Variants in KMT2B observed in about 807,000 individuals in gnomAD.
The protein encoded by KMT2B is histone-lysine N-methyltransferase 2B.
KMT2B carries 22 observed loss-of-function variants against 255.3 expected under a neutral mutation model. That is an observed-to-expected ratio of 0.09 (90% CI 0.06 to 0.12). KMT2B has a LOEUF of 0.12. Among genes scored for constraint, KMT2B ranks in the 10% least tolerant of loss-of-function variants. KMT2B has a pLI of 1.00. For synonymous variants in KMT2B, 1,730 were observed against 1,498.1 expected, an observed-to-expected ratio of 1.15 and a Z score of -3.57; for missense variants, 3,149 against 3,737.0, an observed-to-expected ratio of 0.84 and a Z score of 4.10.
chr19:35,722,523 T>C, intron 4 of KMT2B, 45 bp from the exon 5 acceptor site: 1 of 1,592,942 alleles, frequency 6.3e-7, no homozygotes, highest in Non-Finnish European at 8.5e-7. Flanking sequence ...GGAGTGGGGC[T>C]GCGGGAGCGC....
Position 35,725,217 on chromosome 19 carries a change from C to T in KMT2B, c.3529-3C>T. ...TCTGATCCTGCATCCTCTCTTCCCC[C>T]AGGAGGATTGTGATTTAGAGAACGT... On this transcript the variant is annotated splice_polypyrimidine_tract_variant and splice_region_variant and intron_variant, in intron 10 of 36. Transcript: ENST00000420124. This position sits in a 1 kb window ranked among gnomAD's most constrained non-coding sequence, Gnocchi z 4.1. 1 of 1,611,292 alleles carries T rather than the reference C, an allele frequency of 6.2e-7. No individual in the cohort carries two copies. The highest frequency in any genetic ancestry group is 8.5e-7 in the Non-Finnish European group (1 of 1,178,082).
intron 5 of KMT2B, 65 bp downstream of exon 5, chr19:35,722,783 C>T: frequency 6.6e-7 from 1 of 1,525,396 alleles, no homozygotes; most frequent in South Asian, 1.3e-5. Context: ...GTGACATGCA[C>T]CAAGAGCCTA....
Position 35,721,124 on chromosome 19 carries a change from C to A in KMT2B, c.1777C>A (p.Pro593Thr). 6.2e-7 allele frequency: 1 copy of A among 1,609,020 alleles called. No homozygotes were observed. The highest frequency in any genetic ancestry group is 8.5e-7 in the Non-Finnish European group (1 of 1,178,180). ...PPRAPTPPST[P>T]VPLPEKRRSI... ...ACGTGCCCCAACTCCTCCATCTACC[C>A]CAGTTCCACTCCCTGAGAAGAGACG... The change falls in exon 3 of 37, where the codon CCA (proline) becomes ACA (threonine). Residue 593 changes from proline (P) to threonine (T), a missense_variant. Around this residue, in one of 18 missense-constraint regions of KMT2B, gnomAD observed 1,188 missense variants for 1,106.4 expected, o/e 1.07. Transcript: ENST00000420124.
chr19:35,729,200 A>C lies in KMT2B; in HGVS notation c.4821A>C (p.Thr1607=). Residue 1607 remains threonine (T), a synonymous_variant, in exon 22 of 37, where the codon ACA becomes ACC. Transcript: ENST00000420124. ...TGTACATCGGGCAGAACGAGTGGAC[A>C]CACGTCAACTGTGCCATCTGGTCGG... ...RLLYIGQNEW[T]HVNCAIWSAE... is the part of the protein sequence containing the mutation. The C allele has an allele frequency of 1.2e-6, 2 of 1,612,828 alleles. No homozygotes were observed. Among genetic ancestry groups the C allele is most frequent in the Non-Finnish European group, 1.7e-6 (2 of 1,179,360 alleles).
Position 35,738,668 on chromosome 19 carries a change from A to G in KMT2B, c.*111A>G. 8.2e-7 allele frequency: 1 copy of G among 1,215,644 alleles called. No homozygotes were observed. The highest frequency in any genetic ancestry group is 1.1e-6 in the Non-Finnish European group (1 of 879,974). The allele number at this position is 1,215,644 out of a possible 1,614,324, so 75.3% of individuals were successfully genotyped here. On this transcript the variant is annotated 3_prime_UTR_variant, in exon 37 of 37. Transcript: ENST00000420124. This position sits in a 1 kb window ranked among gnomAD's most constrained non-coding sequence, Gnocchi z 8.7. ...CCCAGAGCATCTCACCCCCACCCTC[A>G]TGTTCAGGGTGGATGTGGGCATGCA...
Position 35,737,591 on chromosome 19 carries a change from C to G in KMT2B, c.7551-45C>G. 1 of 1,279,710 alleles carries G rather than the reference C, an allele frequency of 7.8e-7. No individual in the cohort carries two copies. The highest frequency in any genetic ancestry group is 1.1e-6 in the Non-Finnish European group (1 of 917,090). 79.3% of individuals were successfully genotyped at this position (1,279,710 alleles called of 1,614,324 possible). ...AACCCCACCCATTTCCCTGTTAGCT[C>G]TGTCTTCAACAGTATATTCCTCCTT... On this transcript the variant is annotated intron_variant, in intron 33 of 36. Transcript: ENST00000420124. This position sits in a 1 kb window ranked among gnomAD's most constrained non-coding sequence, Gnocchi z 5.3.
Position 35,733,378 on chromosome 19 carries a change from C to G in KMT2B, c.6829C>G (p.Arg2277Gly). Residue 2277 changes from arginine (R) to glycine (G), a missense_variant, in exon 28 of 37, where the codon CGC becomes GGC. Around this residue, in one of 18 missense-constraint regions of KMT2B, gnomAD observed 897 missense variants for 825.3 expected, o/e 1.09. Coordinates refer to ENST00000420124, the MANE Select transcript of KMT2B (RefSeq NM_014727.3). This position sits in a 1 kb window ranked among gnomAD's most constrained non-coding sequence, Gnocchi z 4.3. ...GPASPPRQAI[R>G]VKRVSTFSGR... ...AGCCAGCCCGCCCCGCCAGGCCATCCGCGTCAAGAGGGTGTCCACTTTCTC... is the reference window on the plus strand; with the variant it reads ...AGCCAGCCCGCCCCGCCAGGCCATCGGCGTCAAGAGGGTGTCCACTTTCTC... The G allele has an allele frequency of 6.5e-7, 1 of 1,549,684 alleles. No homozygotes were observed. Among genetic ancestry groups the G allele is most frequent in the Non-Finnish European group, 8.7e-7 (1 of 1,146,606 alleles).
chr19:35,738,657 C>G lies in KMT2B; in HGVS notation c.*100C>G. The stretch of plus-strand genomic sequence containing the variant: ...CCCTAGCCCCTCCCAGAGCATCTCA[C>G]CCCCACCCTCATGTTCAGGGTGGAT... On this transcript the variant is annotated 3_prime_UTR_variant, in exon 37 of 37. Transcript: ENST00000420124. This position sits in a 1 kb window ranked among gnomAD's most constrained non-coding sequence, Gnocchi z 8.7. 1 of 1,321,018 alleles carries G rather than the reference C, an allele frequency of 7.6e-7. No individual in the cohort carries two copies. The allele number at this position is 1,321,018 out of a possible 1,614,324, so 81.8% of individuals were successfully genotyped here.
At position 35,737,610 on chromosome 19, in the gene KMT2B, C is replaced by T. The variant is rs943199761; in HGVS notation, c.7551-26C>T. 2.7e-6 allele frequency: 4 copies of T among 1,467,220 alleles called. No homozygotes were observed. Among genetic ancestry groups the T allele is most frequent in the Non-Finnish European group, 9.3e-7 (1 of 1,072,302 alleles). 90.9% of individuals were successfully genotyped at this position (1,467,220 alleles called of 1,614,324 possible). A position where few individuals can be genotyped will look rare whatever the true frequency, so the allele number is the denominator to read the frequency against. On this transcript the variant is annotated intron_variant, in intron 33 of 36. Transcript: ENST00000420124. This position sits in a 1 kb window ranked among gnomAD's most constrained non-coding sequence, Gnocchi z 5.3. ...TTAGCTCTGTCTTCAACAGTATATT[C>T]CTCCTTCCCCTGCTGCCACCTGCAG...
chr19:35,724,063 G>C (rs983763407), intron 8 of KMT2B, 56 bp downstream of exon 8: 1 of 1,488,696 alleles, frequency 6.7e-7, no homozygotes, highest in East Asian at 2.3e-5. Flanking sequence ...TGTGTCTTTT[G>C]TGTAGGAGGG....
chr19:35,718,020 T>TGGCGGC lies in KMT2B; in HGVS notation c.11_16dup (p.Ala4_Ala5dup), dbSNP rs898578503. 7 of 983,764 alleles carry TGGCGGC rather than the reference T, an allele frequency of 7.1e-6. No individual in the cohort carries two copies. Among genetic ancestry groups the TGGCGGC allele is most frequent in the Admixed American group, 1.3e-4 (2 of 15,948 alleles). 60.9% of individuals were successfully genotyped at this position (983,764 alleles called of 1,614,324 possible). On this transcript the variant is annotated inframe_insertion, in exon 1 of 37. Coordinates refer to ENST00000420124, the MANE Select transcript of KMT2B (RefSeq NM_014727.3). This position sits in a 1 kb window ranked among gnomAD's most constrained non-coding sequence, Gnocchi z 5.0. Reference sequence around the variant, plus strand: ...CCCGGCCCCTCTCACGGTGCCAAGATGGCGGCGGCGGCGGGCGGCGGCAGT... The same window carrying TGGCGGC: ...CCCGGCCCCTCTCACGGTGCCAAGATGGCGGCGGCGGCGGCGGCGGGCGGCGGCAGT...
At chr19:35,730,910 T>TA in intron 26 of KMT2B, 43 bp downstream of exon 26, 1 of 1,524,726 alleles carries the variant, frequency 6.6e-7, no homozygotes. Context: ...CCGCTCTCCC[T>TA]AAACAAACCT....
In KMT2B at chr19:35,723,652, C is replaced by T; in HGVS notation, c.3059-80C>T. On this transcript the variant is annotated intron_variant, in intron 7 of 36. Coordinates refer to ENST00000420124, the MANE Select transcript of KMT2B (RefSeq NM_014727.3). This position sits in a 1 kb window ranked among gnomAD's most constrained non-coding sequence, Gnocchi z 7.5. ...CATAGCTCCTGCGTTCATTCCCTGC[C>T]CCGCTTCTTTCTGGCTTCTCTCCCA... is the stretch of plus-strand genomic sequence containing the variant. 7.4e-7 allele frequency: 1 copy of T among 1,355,900 alleles called. No homozygotes were observed. Among genetic ancestry groups the T allele is most frequent in the East Asian group, 2.4e-5 (1 of 41,422 alleles). The allele number at this position is 1,355,900 out of a possible 1,614,324, so 84.0% of individuals were successfully genotyped here. A position where few individuals can be genotyped will look rare whatever the true frequency, so the allele number is the denominator to read the frequency against.
chr19:35,720,172 A>T lies in KMT2B; in HGVS notation c.825A>T (p.Gly275=), dbSNP rs771762970. The T allele has an allele frequency of 7.5e-6, 12 of 1,604,514 alleles. No homozygotes were observed. The East Asian group carries it at 2.7e-4, about 36-fold the overall frequency. The change falls in exon 3 of 37, where the codon GGA becomes GGT. Residue 275 remains glycine (G), a synonymous_variant. Coordinates refer to ENST00000420124, the MANE Select transcript of KMT2B (RefSeq NM_014727.3). ...SWKCKEGPGP[G]PGTPRRGGQS... is the part of the protein sequence containing the mutation. ...AATGCAAGGAGGGGCCCGGTCCAGG[A>T]CCTGGGACCCCCAGGCGTGGAGGAC...
chr19:35,730,133 A>G lies in KMT2B; in HGVS notation c.5076+8A>G. ...GATCTCCTGGATGGCAAGGTGGGCCAGAACTGTGGGGTACACGGTTCCTTC... is the reference window on the plus strand; with the variant it reads ...GATCTCCTGGATGGCAAGGTGGGCCGGAACTGTGGGGTACACGGTTCCTTC... On this transcript the variant is annotated splice_region_variant and intron_variant, in intron 23 of 36. Coordinates refer to ENST00000420124, the MANE Select transcript of KMT2B (RefSeq NM_014727.3). The G allele has an allele frequency of 6.2e-7, 1 of 1,613,604 alleles. No homozygotes were observed. Among genetic ancestry groups the G allele is most frequent in the Non-Finnish European group, 8.5e-7 (1 of 1,179,712 alleles).
In KMT2B at chr19:35,736,968, A is replaced by G. The variant is rs376855629; in HGVS notation, c.7354A>G (p.Arg2452Gly). Residue 2452 changes from arginine (R) to glycine (G), a missense_variant, in exon 32 of 37, where the codon AGA (arginine) becomes GGA (glycine). Coordinates refer to ENST00000420124, the MANE Select transcript of KMT2B (RefSeq NM_014727.3). ...VQEARGHARL[R>G]HLSFSGMSGA... ...AGAGGCCCGAGGGCATGCCCGACTC[A>G]GACATCTCTCCTTTAGTGGTAAGGA... 6.8e-6 allele frequency: 11 copies of G among 1,613,716 alleles called. No individual in the cohort carries two copies. The African/African-American group carries it at 1.5e-4, about 22-fold the overall frequency.
At position 35,721,109 on chromosome 19, in the gene KMT2B, A is replaced by G; in HGVS notation, c.1762A>G (p.Thr588Ala). The change falls in exon 3 of 37, where the codon ACT becomes GCT. Residue 588 changes from threonine to alanine, a missense_variant. Transcript: ENST00000420124. ...AGTCCCCTCTCCACCACGTGCCCCA[A>G]CTCCTCCATCTACCCCAGTTCCACT... ...APVPSPPRAP[T>A]PPSTPVPLPE... 1 of 1,606,078 alleles carries G rather than the reference A, an allele frequency of 6.2e-7. No homozygotes were observed. Among genetic ancestry groups the G allele is most frequent in the Non-Finnish European group, 8.5e-7 (1 of 1,177,734 alleles).
At chr19:35,726,443 A>C in intron 14 of KMT2B, 90 bp downstream of exon 14, 15 of 839,030 alleles carry the variant, frequency 1.8e-5, no homozygotes, top group Non-Finnish European at 2.0e-5. Flanking sequence ...CTCTTTTCTC[A>C]TGGCTTTCCA....
At position 35,724,722 on chromosome 19, in the gene KMT2B, C is replaced by T. The variant is rs1201672794; in HGVS notation, c.3420C>T (p.Arg1140=). Reference sequence around the variant, plus strand: ...TGTTGCAGCTCAAGGCCCGAAGGCGCCTGGACAAGGTCAGCACGGCCCGCT... The same window carrying T: ...TGTTGCAGCTCAAGGCCCGAAGGCGTCTGGACAAGGTCAGCACGGCCCGCT... ...QPVLQLKARR[R]LDKDALAPGP... is the part of the protein sequence containing the mutation. The change falls in exon 9 of 37, where the codon CGC becomes CGT. Residue 1140 remains arginine (R), a synonymous_variant. Transcript: ENST00000420124. The T allele has an allele frequency of 1.3e-6, 2 of 1,589,614 alleles. No individual in the cohort carries two copies. The highest frequency in any genetic ancestry group is 1.7e-6 in the Non-Finnish European group (2 of 1,168,514).
Sources: allele counts gnomAD v4.1 joint callset, GRCh38; gene constraint gnomAD v4.1.1; regional missense constraint gnomAD v4.1.1; non-coding constraint Gnocchi (gnomAD v3.1); transcripts MANE v1.5; gene names NCBI Gene and HGNC (gene_info 2026-07-23, HGNC 2026-07-21).